HCN1: variants seen among roughly 807,000 people sequenced by gnomAD.
HCN1 encodes the protein potassium/sodium hyperpolarization-activated cyclic nucleotide-gated channel 1.
A neutral mutation model predicts 78.9 loss-of-function variants in HCN1; 13 were observed. The observed-to-expected ratio is 0.16, with a 90% CI of 0.11 to 0.26. HCN1 has a LOEUF of 0.26. HCN1 is among the 10% of genes least tolerant of loss of function. The pLI, the probability that HCN1 is intolerant of heterozygous loss-of-function variation, is 1.00. For synonymous variants in HCN1, 552 were observed against 455.5 expected, an observed-to-expected ratio of 1.21 and a Z score of -2.70; for missense variants, 810 against 1,154.3, an observed-to-expected ratio of 0.70 and a Z score of 4.32.
chr5:45,609,760 A>G (rs565870127), intron 2 of HCN1, among the ~76,000 whole-genome samples: 1 of 152,260 alleles, frequency 6.6e-6, no homozygotes, highest in East Asian at 1.9e-4. Context: ...ACAGACTTGT[A>G]AACAAAATTT....
At chr5:45,393,249 T>C (rs1341554889) in intron 4 of HCN1, among the ~76,000 whole-genome samples, 1 of 152,330 alleles carries the variant, frequency 6.6e-6, no homozygotes, top group Middle Eastern at 3.4e-3. Flanking sequence ...ATGATTTATA[T>C]TGTGCCAAAA....
At chr5:45,362,421 C>T (rs1747133980) in intron 4 of HCN1, among the ~76,000 whole-genome samples, 1 of 152,040 alleles carries the variant, frequency 6.6e-6, no homozygotes, top group South Asian at 2.1e-4. Flanking sequence ...TTAAGAATAT[C>T]TACTAACTCA....
chr5:45,377,313 ATT>A (rs1198917299), intron 4 of HCN1, among the ~76,000 whole-genome samples: 1 of 152,008 alleles, frequency 6.6e-6, no homozygotes, highest in Admixed American at 6.6e-5. Context: ...AAAATTTCAC[ATT>A]TGTCTTGAGA....
intron 2 of HCN1, among the ~76,000 whole-genome samples, chr5:45,570,425 C>T (rs554745777): frequency 6.6e-6 from 1 of 152,176 alleles, no homozygotes. Context: ...TATTAACAGT[C>T]TTTTGGCAAT....
chr5:45,458,025 T>A (rs1741062461), intron 3 of HCN1, among the ~76,000 whole-genome samples: 2 of 152,102 alleles, frequency 1.3e-5, no homozygotes, highest in Admixed American at 1.3e-4. Context: ...AAATAAAAAC[T>A]TTAATGAGGA....
At chr5:45,301,891 A>C (rs186874093) in intron 6 of HCN1, among the ~76,000 whole-genome samples, 2 of 152,166 alleles carry the variant, frequency 1.3e-5, no homozygotes, top group East Asian at 3.9e-4. Context: ...TTAAGAAACA[A>C]GCAACAAATT....
intron 2 of HCN1, among the ~76,000 whole-genome samples, chr5:45,576,936 A>G (rs1305962194): frequency 1.3e-5 from 2 of 152,138 alleles, no homozygotes; most frequent in East Asian, 1.9e-4. Context: ...GAGGTATGCT[A>G]AGGCTTTTAA....
intron 5 of HCN1, among the ~76,000 whole-genome samples, chr5:45,331,664 T>C (rs1488611607): frequency 6.6e-6 from 1 of 151,454 alleles, no homozygotes; most frequent in East Asian, 1.9e-4. Flanking sequence ...TTTATATGCC[T>C]ATGTATCTCA....
chr5:45,393,688 AGGGCATT>A (rs1428504880), intron 4 of HCN1, among the ~76,000 whole-genome samples: 1 of 152,194 alleles, frequency 6.6e-6, no homozygotes, highest in Non-Finnish European at 1.5e-5. Context: ...TTATTTGACC[AGGGCATT>A]GTTTTTATAT....
At chr5:45,600,804 T>C (rs564328381) in intron 2 of HCN1, among the ~76,000 whole-genome samples, 23 of 152,276 alleles carry the variant, frequency 1.5e-4, no homozygotes, top group South Asian at 4.1e-4. Flanking sequence ...TATTGGGGAC[T>C]CCTAACTTCT....
intron 2 of HCN1, among the ~76,000 whole-genome samples, chr5:45,556,278 C>A (rs1743467897): frequency 6.6e-6 from 1 of 151,736 alleles, no homozygotes; most frequent in South Asian, 2.1e-4. Context: ...AGACAACCCG[C>A]AAAATGGGAG....
chr5:45,405,049 A>C (rs1477029923), intron 3 of HCN1, among the ~76,000 whole-genome samples: 1 of 152,196 alleles, frequency 6.6e-6, no homozygotes, highest in Non-Finnish European at 1.5e-5. Context: ...GAATTAATGG[A>C]TAATAAAGAG....
intron 2 of HCN1, among the ~76,000 whole-genome samples, chr5:45,486,779 G>T (rs547003721): frequency 6.6e-6 from 1 of 151,990 alleles, no homozygotes; most frequent in Admixed American, 6.6e-5. Context: ...CACAAGAAAA[G>T]ATATTGTAAG....
At chr5:45,513,615 T>G (rs1187180992) in intron 2 of HCN1, among the ~76,000 whole-genome samples, 1 of 152,214 alleles carries the variant, frequency 6.6e-6, no homozygotes, top group Admixed American at 6.5e-5. Flanking sequence ...CAGTGGCATG[T>G]GATTCTCACA....
At chr5:45,486,971 G>A (rs1408400823) in intron 2 of HCN1, among the ~76,000 whole-genome samples, 1 of 152,036 alleles carries the variant, frequency 6.6e-6, no homozygotes, top group East Asian at 1.9e-4. Flanking sequence ...AGTCTCTACT[G>A]CCTAATTTTC....
chr5:45,545,806 C>G (rs1014801836), intron 2 of HCN1, among the ~76,000 whole-genome samples: 1 of 151,734 alleles, frequency 6.6e-6, no homozygotes, highest in South Asian at 2.1e-4. Context: ...TGACTATCAC[C>G]TCCTTCTTGA....
intron 3 of HCN1, among the ~76,000 whole-genome samples, chr5:45,442,722 G>A (rs2111572213): frequency 6.6e-6 from 1 of 152,106 alleles, no homozygotes; most frequent in Non-Finnish European, 1.5e-5. Context: ...AAACTGAGAA[G>A]TAGGCACATT....
At chr5:45,613,164 C>A (rs907340411) in intron 2 of HCN1, among the ~76,000 whole-genome samples, 28 of 125,922 alleles carry the variant, frequency 2.2e-4, no homozygotes, top group Non-Finnish European at 4.1e-4. Context: ...CTCCCCCCAC[C>A]CCACAACAGT....
At chr5:45,442,752 T>C (rs1420885347) in intron 3 of HCN1, among the ~76,000 whole-genome samples, 3 of 152,106 alleles carry the variant, frequency 2.0e-5, no homozygotes, top group Admixed American at 2.0e-4. Flanking sequence ...GAGTATGCTT[T>C]ACCAATTCAC....
Sources: allele counts gnomAD v4.1 joint callset (sites outside exome capture counted in the v4.1 genomes callset), GRCh38; gene constraint gnomAD v4.1.1; transcripts MANE v1.5; gene names NCBI Gene and HGNC (gene_info 2026-07-23, HGNC 2026-07-21).